The following KPNA7 variants were observed in gnomAD, a reference collection of about 807,000 sequenced individuals.
KPNA7 encodes importin subunit alpha-8.
A neutral mutation model predicts 53.7 loss-of-function variants in KPNA7; 54 were observed. The ratio of observed to expected loss-of-function variants is 1.01; its 90% CI spans 0.81 to 1.26. The LOEUF (loss-of-function observed/expected upper bound fraction) is 1.26. Among genes scored for constraint, KPNA7 ranks in the 50% most tolerant of loss-of-function variants. The pLI, the probability that KPNA7 is intolerant of heterozygous loss-of-function variation, is 0.00. For missense variants in KPNA7, 640 were observed against 644.5 expected, an observed-to-expected ratio of 0.99 and a Z score of 0.07; for synonymous variants, 276 against 259.3, an observed-to-expected ratio of 1.06 and a Z score of -0.62.
At chr7:99,191,015 A>G (rs1345944274) in intron 6 of KPNA7, among the ~76,000 whole-genome samples, 3 of 151,876 alleles carry the variant, frequency 2.0e-5, no homozygotes, top group Non-Finnish European at 4.4e-5. Flanking sequence ...TTTTTCCTGC[A>G]CTTTTCCCCT....
chr7:99,163,359 G>GTGTGTATA, the KPNA7 span, among the ~76,000 whole-genome samples: 2 of 66,420 alleles, frequency 3.0e-5, no homozygotes, highest in African/African-American at 1.2e-4. Context: ...ATGAGTGTGT[G>GTGTGTATA]TATATATATA....
chr7:99,207,162 G>A (rs543413797), intron 2 of KPNA7, among the ~76,000 whole-genome samples: 2 of 152,118 alleles, frequency 1.3e-5, no homozygotes, highest in South Asian at 2.1e-4. Context: ...AGCCTCCCAA[G>A]TAGCTGGGAT....
downstream of KPNA7, among the ~76,000 whole-genome samples, chr7:99,172,508 A>G (rs950110480): frequency 6.6e-6 from 1 of 152,154 alleles, no homozygotes; most frequent in South Asian, 2.1e-4. Context: ...TGAGGCCAGG[A>G]GTTCAAGACT....
At chr7:99,167,419 G>C in the KPNA7 span, among the ~76,000 whole-genome samples, 1 of 152,036 alleles carries the variant, frequency 6.6e-6, no homozygotes, top group Non-Finnish European at 1.5e-5. Context: ...CCATAGGAGA[G>C]AGAACCCTAT....
chr7:99,182,154 T>C, intron 8 of KPNA7, 89 bp from the exon 9 acceptor site: 2 of 1,011,118 alleles, frequency 2.0e-6, no homozygotes, highest in Non-Finnish European at 2.9e-6. Flanking sequence ...GGGAGGCTGG[T>C]GACAGCCAGG....
chr7:99,154,342 T>TTGGTTCAATTGA, the KPNA7 span, among the ~76,000 whole-genome samples: 1 of 151,982 alleles, frequency 6.6e-6, no homozygotes, highest in Non-Finnish European at 1.5e-5. Context: ...TTGACCAGGC[T>TTGGTTCAATTGA]GGTCTTGAAC....
chr7:99,148,895 G>GTTTT, the KPNA7 span, among the ~76,000 whole-genome samples: 11 of 112,574 alleles, frequency 9.8e-5, 1 homozygote, highest in Admixed American at 3.1e-4. Context: ...CCCAAGAACC[G>GTTTT]TTTTTTTTTT....
At chr7:99,193,206 T>G in intron 5 of KPNA7, 105 bp from the exon 6 acceptor site, 2 of 641,454 alleles carry the variant, frequency 3.1e-6, no homozygotes, top group Non-Finnish European at 5.0e-6. Flanking sequence ...CAAAAACTCA[T>G]TCCCGGGTTT....
chr7:99,167,312 G>A, the KPNA7 span, among the ~76,000 whole-genome samples: 5 of 152,186 alleles, frequency 3.3e-5, no homozygotes, highest in African/African-American at 7.2e-5. Flanking sequence ...AGACCAGTCC[G>A]TAGCCTGATA....
the KPNA7 span, among the ~76,000 whole-genome samples, chr7:99,157,001 TATCTTCAAACC>T: frequency 6.6e-6 from 1 of 152,088 alleles, no homozygotes. Flanking sequence ...CTGAAAGATT[TATCTTCAAACC>T]TTTCTCTTGA....
intron 1 of KPNA7, among the ~76,000 whole-genome samples, chr7:99,213,957 A>G (rs554681001): frequency 6.6e-6 from 1 of 152,248 alleles, no homozygotes; most frequent in Admixed American, 6.5e-5. Context: ...GGATTAAATG[A>G]AGTTTCATCT....
At chr7:99,149,522 A>G in the KPNA7 span, among the ~76,000 whole-genome samples, 6 of 152,364 alleles carry the variant, frequency 3.9e-5, no homozygotes, top group Middle Eastern at 3.4e-3. Flanking sequence ...AGCTCTTGGT[A>G]AATGGCAGTT....
chr7:99,156,768 A>AC, the KPNA7 span, among the ~76,000 whole-genome samples: 4 of 150,904 alleles, frequency 2.7e-5, no homozygotes, highest in Non-Finnish European at 5.9e-5. Flanking sequence ...CAAATGATCC[A>AC]CCCCCCTTGG....
chr7:99,177,202 G>A (rs952450692), intron 10 of KPNA7, among the ~76,000 whole-genome samples: 1 of 152,094 alleles, frequency 6.6e-6, no homozygotes, highest in African/African-American at 2.4e-5. Flanking sequence ...GCAAAATGAT[G>A]GTTACTAAAA....
the KPNA7 span, among the ~76,000 whole-genome samples, chr7:99,150,285 A>G: frequency 6.6e-6 from 1 of 152,108 alleles, no homozygotes; most frequent in South Asian, 2.1e-4. Context: ...TAGTAGAGAC[A>G]GGGTTTCACT....
At chr7:99,215,987 A>G (rs112430364) in intron 1 of KPNA7, among the ~76,000 whole-genome samples, 8,218 of 151,844 alleles carry the variant, frequency 0.054, 495 homozygotes, top group African/African-American at 0.15. Context: ...AAAAAAAAAA[A>G]AAAAGAAAAG....
chr7:99,185,853 C>A (rs187109248), intron 7 of KPNA7, among the ~76,000 whole-genome samples: 2 of 152,080 alleles, frequency 1.3e-5, no homozygotes, highest in African/African-American at 2.4e-5. Context: ...TATAGTGGTA[C>A]GATTTTGGTT....
intron 6 of KPNA7, among the ~76,000 whole-genome samples, chr7:99,192,534 T>G (rs1027757621): frequency 2.6e-5 from 4 of 152,182 alleles, no homozygotes; most frequent in Admixed American, 6.5e-5. Flanking sequence ...CACCTCAGCC[T>G]CCTGAGTAGC....
the KPNA7 span, among the ~76,000 whole-genome samples, chr7:99,152,905 TA>T: frequency 6.6e-6 from 1 of 152,222 alleles, no homozygotes; most frequent in African/African-American, 2.4e-5. Flanking sequence ...TATTTTTCAC[TA>T]AAGAAAGACT....
Sources: allele counts gnomAD v4.1 joint callset (sites outside exome capture counted in the v4.1 genomes callset), GRCh38; gene constraint gnomAD v4.1.1; transcripts MANE v1.5; gene names NCBI Gene and HGNC (gene_info 2026-07-23, HGNC 2026-07-21).